PRDM16: variants seen among roughly 807,000 people sequenced by gnomAD.
PRDM16 encodes the protein histone-lysine N-methyltransferase PRDM16.
PRDM16 carries 23 observed loss-of-function variants against 110.6 expected under a neutral mutation model. The observed-to-expected ratio is 0.21, with a 90% CI of 0.15 to 0.29. PRDM16 has a LOEUF of 0.29. PRDM16 is among the 10% of genes least tolerant of loss of function. The pLI is 1.00. For synonymous variants in PRDM16, 799 were observed against 781.8 expected (o/e 1.02, Z -0.37); for missense variants, 1,615 against 1,794.3 (o/e 0.90, Z 1.81).
In PRDM16 at chr1:3,181,242, A is replaced by G. The variant is rs1290778250; in HGVS notation, c.38-4883A>G. 7.3e-4 allele frequency among the ~76,000 whole-genome samples: 90 copies of G among 123,810 alleles called. 1 individual carries two copies. The highest frequency in any genetic ancestry group is 2.1e-3 in the African/African-American group (69 of 33,222). The allele number at this position is 123,810 out of a possible 152,430, so 81.2% of individuals were successfully genotyped here. On this transcript the variant is annotated intron_variant, in intron 1 of 16. Coordinates refer to ENST00000270722, the MANE Select transcript of PRDM16 (RefSeq NM_022114.4). ...CGCAGTCTTACACACGGTCTTACAC[A>G]CAGTCTTACACACGCAGTCTTACAC... is the stretch of plus-strand genomic sequence containing the variant.
At chr1:3,198,154 G>A (rs116205935) in intron 2 of PRDM16, among the ~76,000 whole-genome samples, 2,061 of 152,316 alleles carry the variant, frequency 0.014, 50 homozygotes, top group African/African-American at 0.048. Context: ...CTCGGGTCAG[G>A]GGCGGGCACT....
intron 1 of PRDM16, among the ~76,000 whole-genome samples, chr1:3,119,887 C>A (rs1280141653): frequency 6.6e-6 from 1 of 152,198 alleles, no homozygotes; most frequent in Non-Finnish European, 1.5e-5. Flanking sequence ...GGGAAGCCTG[C>A]AGAGGGGCAG....
intron 3 of PRDM16, among the ~76,000 whole-genome samples, chr1:3,335,593 T>C (rs1171424608): frequency 9.0e-6 from 1 of 110,814 alleles, no homozygotes; most frequent in Non-Finnish European, 1.9e-5. Context: ...AACCTTTGGC[T>C]GAGGTTAAAA....
intron 3 of PRDM16, among the ~76,000 whole-genome samples, chr1:3,362,598 C>T (rs974662905): frequency 4.6e-5 from 7 of 152,098 alleles, no homozygotes; most frequent in Non-Finnish European, 2.9e-5. Flanking sequence ...CCTGGGACTG[C>T]CGAGGGCCTT....
At chr1:3,121,525 C>G (rs549129283) in intron 1 of PRDM16, among the ~76,000 whole-genome samples, 8 of 152,212 alleles carry the variant, frequency 5.3e-5, no homozygotes, top group Non-Finnish European at 1.0e-4. Context: ...AGACTCCGAA[C>G]GTCGCCTGCC....
chr1:3,227,652 G>A lies in PRDM16; in HGVS notation c.388-16435G>A, dbSNP rs567260652. On this transcript the variant is annotated intron_variant, in intron 2 of 16. Coordinates refer to ENST00000270722, the MANE Select transcript of PRDM16 (RefSeq NM_022114.4). ...GACCTGAGATGTAGGGCCCGGCTCC[G>A]GGACCTGGTTTGGTAAAATGCAAAG... is the stretch of plus-strand genomic sequence containing the variant. Among the ~76,000 whole-genome samples, 13 of 152,354 alleles carry A rather than the reference G, an allele frequency of 8.5e-5. No individual in the cohort carries two copies. The South Asian group carries it at 2.3e-3, about 27-fold the overall frequency.
intron 1 of PRDM16, among the ~76,000 whole-genome samples, chr1:3,130,256 G>A (rs577720908): frequency 4.6e-5 from 7 of 152,320 alleles, no homozygotes; most frequent in South Asian, 2.1e-4. Flanking sequence ...TAGGACCCCC[G>A]GGCAGGCGAT....
intron 1 of PRDM16, among the ~76,000 whole-genome samples, chr1:3,138,055 G>A (rs1027412173): frequency 2.6e-5 from 4 of 152,228 alleles, no homozygotes; most frequent in Non-Finnish European, 5.9e-5. Flanking sequence ...GGAATCCCGT[G>A]TAAGTTCCCC....
rs145886186 is a variant in PRDM16 at position 3,195,579 on chromosome 1, A to G, written c.387+9105A>G. 3.8e-3 allele frequency among the ~76,000 whole-genome samples: 565 copies of G among 150,444 alleles called. 4 individuals carry two copies. The highest frequency in any genetic ancestry group is 6.2e-3 in the Non-Finnish European group (422 of 67,710). ...AATAGTATTTTGCCAATCGCATCCC[A>G]CACGCCCCGCCCCCCCTGTCCCAGT... is the stretch of plus-strand genomic sequence containing the variant. On this transcript the variant is annotated intron_variant, in intron 2 of 16. Transcript: ENST00000270722.
intron 1 of PRDM16, among the ~76,000 whole-genome samples, chr1:3,070,073 G>T (rs1167488317): frequency 3.9e-5 from 6 of 152,018 alleles, no homozygotes; most frequent in Non-Finnish European, 8.8e-5. Context: ...CCTCCGACAG[G>T]AGGGACCCAC....
At chr1:3,075,940 T>C (rs12076923) in intron 1 of PRDM16, among the ~76,000 whole-genome samples, 2,783 of 152,246 alleles carry the variant, frequency 0.018, 88 homozygotes, top group African/African-American at 0.063. Context: ...CCCACCATCC[T>C]CCTGGGGGAG....
intron 3 of PRDM16, among the ~76,000 whole-genome samples, chr1:3,361,670 A>G (rs566694910): frequency 2.6e-4 from 39 of 152,362 alleles, no homozygotes; most frequent in African/African-American, 9.1e-4. Context: ...AAGACCCCAC[A>G]TGGGCTGGGG....
rs1052061654 is a variant in PRDM16, at chr1:3,432,214, C to T, written c.3696+74C>T. On this transcript the variant is annotated intron_variant, in intron 16 of 16. Coordinates refer to ENST00000270722, the MANE Select transcript of PRDM16 (RefSeq NM_022114.4). ...CAGAGGACAGCCAGCACTCCTCTCC[C>T]GCCGTGGCCCTCCTAGGCCTGAGGA... 22 of 1,390,066 alleles carry T rather than the reference C, an allele frequency of 1.6e-5. No individual in the cohort carries two copies. In the East Asian group the frequency reaches 3.9e-4, roughly 25 times the overall value. 86.1% of individuals were successfully genotyped at this position (1,390,066 alleles called of 1,614,324 possible). A position where few individuals can be genotyped will look rare whatever the true frequency, so the allele number is the denominator to read the frequency against.
intron 10 of PRDM16, 110 bp downstream of exon 10, chr1:3,414,757 C>A: frequency 1.3e-6 from 1 of 791,510 alleles, no homozygotes. Flanking sequence ...CCGTCCAGGC[C>A]ATACCACGCA....
chr1:3,266,737 G>A (rs921811511), intron 3 of PRDM16, among the ~76,000 whole-genome samples: 5 of 151,888 alleles, frequency 3.3e-5, no homozygotes, highest in African/African-American at 1.2e-4. Flanking sequence ...GTGCAACGGC[G>A]CAATCTCAGC....
rs1641036591 is a variant in PRDM16 at position 3,294,126 on chromosome 1, G to A, written c.438+49989G>A. On this transcript the variant is annotated intron_variant, in intron 3 of 16. Coordinates refer to ENST00000270722, the MANE Select transcript of PRDM16 (RefSeq NM_022114.4). Reference sequence around the variant, plus strand: ...AAATGATGGTACCTACCTAGAACCTGCCTACCAGGTAAACAGGCGAAACCT... The same window carrying A: ...AAATGATGGTACCTACCTAGAACCTACCTACCAGGTAAACAGGCGAAACCT... Among the ~76,000 whole-genome samples, 5 of 151,570 alleles carry A rather than the reference G, an allele frequency of 3.3e-5. No individual in the cohort carries two copies. The South Asian group carries it at 1.0e-3, about 31-fold the overall frequency.
chr1:3,296,086 T>A (rs1641083391), intron 3 of PRDM16, among the ~76,000 whole-genome samples: 1 of 152,198 alleles, frequency 6.6e-6, no homozygotes, highest in Admixed American at 6.5e-5. Flanking sequence ...TTTTCAAGCC[T>A]CAGCCTGGGC....
chr1:3,094,738 G>A (rs530010231), intron 1 of PRDM16, among the ~76,000 whole-genome samples: 5 of 152,230 alleles, frequency 3.3e-5, no homozygotes, highest in Non-Finnish European at 7.3e-5. Flanking sequence ...CAGTGGCTGC[G>A]CCGTTCCTGC....
At chr1:3,400,314 C>T (rs1312774261) in intron 5 of PRDM16, among the ~76,000 whole-genome samples, 4 of 152,244 alleles carry the variant, frequency 2.6e-5, no homozygotes, top group Non-Finnish European at 5.9e-5. Flanking sequence ...CTCTTAAGCC[C>T]TGAGGACAGG....
Sources: allele counts gnomAD v4.1 joint callset (sites outside exome capture counted in the v4.1 genomes callset), GRCh38; gene constraint gnomAD v4.1.1; transcripts MANE v1.5; gene names NCBI Gene and HGNC (gene_info 2026-07-23, HGNC 2026-07-21).